AHI1: variants seen among roughly 807,000 people sequenced by gnomAD.
AHI1 encodes the protein jouberin.
In AHI1, 123 loss-of-function variants were observed where a neutral mutation model predicts 149.3. The ratio of observed to expected loss-of-function variants is 0.82; its 90% CI spans 0.71 to 0.96. AHI1 has a LOEUF of 0.96. Among genes scored for constraint, AHI1 ranks in the 40% least tolerant of loss-of-function variants. The pLI is 0.00. For synonymous variants in AHI1, 475 were observed against 459.8 expected, an observed-to-expected ratio of 1.03 and a Z score of -0.42; for missense variants, 1,439 against 1,422.7, an observed-to-expected ratio of 1.01 and a Z score of -0.18.
intron 22 of AHI1, among the ~76,000 whole-genome samples, chr6:135,402,592 C>T (rs1780172974): frequency 6.6e-6 from 1 of 152,010 alleles, no homozygotes; most frequent in Admixed American, 6.6e-5. Context: ...CCTGCCTCTC[C>T]TGCCTCCCCT....
At position 135,357,007 on chromosome 6, in the gene AHI1, C is replaced by T. The variant is rs145382190; in HGVS notation, c.3165+1125G>A. 2.4e-3 allele frequency among the ~76,000 whole-genome samples: 372 copies of T among 152,268 alleles called. 4 individuals carry two copies. The highest frequency in any genetic ancestry group is 8.4e-3 in the African/African-American group (348 of 41,544). On this transcript the variant is annotated intron_variant, in intron 24 of 28. Coordinates refer to ENST00000265602, the MANE Select transcript of AHI1 (RefSeq NM_001134831.2). ...AGGCTGAAGTGCAGTGGTGCAATCT[C>T]GGCTCACAGCAACCTTCACCTCCTG...
chr6:135,485,868 C>T (rs1481543202), intron 5 of AHI1, among the ~76,000 whole-genome samples: 1 of 152,082 alleles, frequency 6.6e-6, no homozygotes, highest in Non-Finnish European at 1.5e-5. Context: ...TGTTATGGCT[C>T]ACACCTGTAG....
intron 24 of AHI1, among the ~76,000 whole-genome samples, chr6:135,336,676 G>A (rs1335382723): frequency 6.6e-6 from 1 of 151,970 alleles, no homozygotes; most frequent in Non-Finnish European, 1.5e-5. Context: ...ATTCAACCAA[G>A]GTTTTAGAAC....
At position 135,455,756 on chromosome 6, in the gene AHI1, G is replaced by C; in HGVS notation, c.1322C>G (p.Pro441Arg). 1 of 1,600,260 alleles carries C rather than the reference G, an allele frequency of 6.2e-7. No individual in the cohort carries two copies. The highest frequency in any genetic ancestry group is 8.5e-7 in the Non-Finnish European group (1 of 1,172,142). The change falls in exon 10 of 29, where the codon CCT (proline) becomes CGT (arginine). Residue 441 changes from proline (P) to arginine (R), a missense_variant. By Grantham distance (103) the Pro-to-Arg change is moderately radical. Transcript: ENST00000265602. Reference protein sequence around the residue: ...PYLLRGSDESPKVILFFEILD... With the variant: ...PYLLRGSDESRKVILFFEILD... ...TACCTCAAAGAACAGGATGACTTTA[G>C]GACTCTCATCAGAGCCTCGAAGCAA... is the stretch of plus-strand genomic sequence containing the variant.
At chr6:135,420,837 A>G (rs1291985173) in intron 20 of AHI1, among the ~76,000 whole-genome samples, 1 of 152,184 alleles carries the variant, frequency 6.6e-6, no homozygotes, top group Non-Finnish European at 1.5e-5. Flanking sequence ...TCGCATTCAC[A>G]ACTTGGCTAA....
intron 27 of AHI1, among the ~76,000 whole-genome samples, chr6:135,299,661 CA>C (rs1488458210): frequency 2.0e-5 from 3 of 151,886 alleles, no homozygotes; most frequent in Non-Finnish European, 2.9e-5. Flanking sequence ...TTTTTTGAGG[CA>C]AAAGAGTGAC....
At chr6:135,324,159 T>C (rs1450702172) in intron 24 of AHI1, among the ~76,000 whole-genome samples, 1 of 151,902 alleles carries the variant, frequency 6.6e-6, no homozygotes, top group African/African-American at 2.4e-5. Flanking sequence ...CATCTCTATA[T>C]AAAAAAACAA....
chr6:135,465,434 A>T (rs918489540), intron 7 of AHI1, among the ~76,000 whole-genome samples: 8 of 152,190 alleles, frequency 5.3e-5, no homozygotes, highest in African/African-American at 1.9e-4. Flanking sequence ...ATATATCCAA[A>T]CAGGTATTTG....
intron 24 of AHI1, among the ~76,000 whole-genome samples, chr6:135,349,637 A>T (rs1221394811): frequency 2.0e-5 from 3 of 152,218 alleles, no homozygotes; most frequent in Admixed American, 6.5e-5. Context: ...ACATTATAAC[A>T]TAAGGAAGTG....
chr6:135,482,894 C>CTTGTTTTTTTTTTTTTTTTTTT (rs1793900577), intron 5 of AHI1, among the ~76,000 whole-genome samples: 2 of 55,734 alleles, frequency 3.6e-5, no homozygotes, highest in Non-Finnish European at 5.7e-5. Flanking sequence ...CCATTTAAGG[C>CTTGTTTTTTTTTTTTTTTTTTT]TTTTTTTTTT....
chr6:135,390,967 G>C (rs1778401572), intron 23 of AHI1, among the ~76,000 whole-genome samples: 1 of 152,020 alleles, frequency 6.6e-6, no homozygotes, highest in Admixed American at 6.5e-5. Flanking sequence ...CATTTAGATG[G>C]GCTATGCCCT....
chr6:135,294,698 C>CAAAAAAAAAAAAAAAAAAGA (rs1782840649), intron 27 of AHI1, among the ~76,000 whole-genome samples: 1 of 68,016 alleles, frequency 1.5e-5, no homozygotes, highest in Non-Finnish European at 3.0e-5. Flanking sequence ...TCTCCAAATG[C>CAAAAAAAAAAAAAAAAAAGA]AAAAAAAAAA....
intron 25 of AHI1, among the ~76,000 whole-genome samples, chr6:135,321,356 T>C (rs1043809054): frequency 1.3e-5 from 2 of 152,126 alleles, no homozygotes; most frequent in Non-Finnish European, 2.9e-5. Flanking sequence ...ATTAAGAATT[T>C]TATGAGAGTG....
chr6:135,327,773 G>C (rs1030962961), intron 24 of AHI1, among the ~76,000 whole-genome samples: 1 of 152,016 alleles, frequency 6.6e-6, no homozygotes, highest in East Asian at 1.9e-4. Context: ...CTGATGTCGC[G>C]GAGCTTCCAC....
rs571597932 is a variant in AHI1 at position 135,374,363 on chromosome 6, C to T, written c.3110-16176G>A. Among the ~76,000 whole-genome samples the T allele has an allele frequency of 2.0e-5, 3 of 152,002 alleles. No homozygotes were observed. In the South Asian group the frequency reaches 6.2e-4, roughly 32 times the overall value. On this transcript the variant is annotated intron_variant, in intron 23 of 28. Transcript: ENST00000265602. ...TCCTGACCTCGTGATCCACCCGCCT[C>T]AGCCTCCCAAAGTGCTGGGATTACA...
intron 15 of AHI1, among the ~76,000 whole-genome samples, chr6:135,435,418 C>T (rs547338675): frequency 6.6e-6 from 1 of 152,174 alleles, no homozygotes; most frequent in African/African-American, 2.4e-5. Context: ...ACAAAAGGCA[C>T]TTAATTTTTG....
At chr6:135,478,719 C>A (rs966970459) in intron 5 of AHI1, among the ~76,000 whole-genome samples, 5 of 152,206 alleles carry the variant, frequency 3.3e-5, no homozygotes, top group Admixed American at 6.5e-5. Flanking sequence ...TAAAGAAAAG[C>A]CAAATGTTAA....
chr6:135,332,077 T>G (rs1222250589), intron 24 of AHI1, among the ~76,000 whole-genome samples: 2 of 151,720 alleles, frequency 1.3e-5, no homozygotes, highest in Non-Finnish European at 2.9e-5. Flanking sequence ...TAGGTTTTTT[T>G]TTTTTTTTTT....
At chr6:135,301,763 AGT>A in intron 26 of AHI1, 1 of 985,468 alleles carries the variant, frequency 1.0e-6, no homozygotes, top group Non-Finnish European at 1.2e-6. Context: ...TTTCTCCACC[AGT>A]GGAATTGCTC....
Sources: allele counts gnomAD v4.1 joint callset (sites outside exome capture counted in the v4.1 genomes callset), GRCh38; gene constraint gnomAD v4.1.1; transcripts MANE v1.5; gene names NCBI Gene and HGNC (gene_info 2026-07-23, HGNC 2026-07-21).